The following ARHGEF38 variants were observed in gnomAD, a reference collection of about 807,000 sequenced individuals.
The protein encoded by ARHGEF38 is Rho guanine nucleotide exchange factor (GEF) 38.
ARHGEF38 carries 79 observed loss-of-function variants against 79.9 expected under a neutral mutation model. The ratio of observed to expected loss-of-function variants is 0.99; its 90% CI spans 0.82 to 1.19. ARHGEF38 has a LOEUF of 1.19. Among genes scored for constraint, ARHGEF38 ranks in the 50% most tolerant of loss-of-function variants. The pLI, the probability that ARHGEF38 is intolerant of heterozygous loss-of-function variation, is 0.00. For missense variants in ARHGEF38, 962 were observed against 907.2 expected (o/e 1.06, Z -0.78); for synonymous variants, 366 against 328.3 (o/e 1.11, Z -1.24).
intron 13 of ARHGEF38, among the ~76,000 whole-genome samples, chr4:105,675,438 A>G (rs1560765378): frequency 6.6e-6 from 1 of 152,182 alleles, no homozygotes; most frequent in East Asian, 1.9e-4. Flanking sequence ...TCTTTACTTA[A>G]AAAAATTATG....
At chr4:105,610,566 A>G (rs945593301) in intron 2 of ARHGEF38, among the ~76,000 whole-genome samples, 2 of 152,084 alleles carry the variant, frequency 1.3e-5, no homozygotes, top group Non-Finnish European at 2.9e-5. Flanking sequence ...TAATCATAAA[A>G]TCATCTATCA....
At chr4:105,579,024 A>G (rs1182777803) in intron 1 of ARHGEF38, among the ~76,000 whole-genome samples, 4 of 151,990 alleles carry the variant, frequency 2.6e-5, no homozygotes, top group Non-Finnish European at 4.4e-5. Context: ...AAGAAGTTCT[A>G]TTTTGGTGCA....
Position 105,678,713 on chromosome 4 carries a change from G to T in ARHGEF38, c.*776G>T, listed in dbSNP as rs1731201819. On this transcript the variant is annotated 3_prime_UTR_variant, in exon 14 of 14. Coordinates refer to ENST00000420470, the MANE Select transcript of ARHGEF38 (RefSeq NM_001242729.2). The stretch of plus-strand genomic sequence containing the variant: ...ACATTGCTATTAAGTGGTGGGCCTG[G>T]ACTTAAACCTAGGTAGTGTAAACCA... The T allele has an allele frequency of 6.6e-6, 1 of 151,952 alleles. No homozygotes were observed. The highest frequency in any genetic ancestry group is 6.5e-5 in the Admixed American group (1 of 15,272). The allele number at this position is 151,952 out of a possible 1,614,324, so 9.4% of individuals were successfully genotyped here.
chr4:105,670,236 A>G (rs528604756), intron 13 of ARHGEF38, among the ~76,000 whole-genome samples: 15 of 152,350 alleles, frequency 9.8e-5, no homozygotes, highest in African/African-American at 3.6e-4. Context: ...GCACCATTTT[A>G]GATTCCTACC....
At chr4:105,558,909 A>AGGGG (rs1560681972) in intron 1 of ARHGEF38, among the ~76,000 whole-genome samples, 1 of 151,462 alleles carries the variant, frequency 6.6e-6, no homozygotes, top group African/African-American at 2.4e-5. Flanking sequence ...AGAGAAGGGG[A>AGGGG]GGGGAGAGAC....
At chr4:105,612,275 C>G in intron 2 of ARHGEF38, among the ~76,000 whole-genome samples, 1 of 152,108 alleles carries the variant, frequency 6.6e-6, no homozygotes, top group South Asian at 2.1e-4. Flanking sequence ...TCCTCCATGT[C>G]TCCCTTTTAT....
At chr4:105,677,210 A>T (rs930614809) in intron 13 of ARHGEF38, among the ~76,000 whole-genome samples, 4 of 151,974 alleles carry the variant, frequency 2.6e-5, no homozygotes, top group African/African-American at 9.7e-5. Context: ...TGATCCACCC[A>T]CCTCGGCCTC....
chr4:105,558,113 G>A (rs966121210), intron 1 of ARHGEF38, among the ~76,000 whole-genome samples: 1 of 152,068 alleles, frequency 6.6e-6, no homozygotes, highest in African/African-American at 2.4e-5. Flanking sequence ...GTCTTAATAT[G>A]GTGCGAAAGA....
intron 3 of ARHGEF38, among the ~76,000 whole-genome samples, chr4:105,622,873 CACAT>C (rs916426196): frequency 2.6e-5 from 4 of 152,084 alleles, no homozygotes; most frequent in African/African-American, 9.7e-5. Flanking sequence ...TATTTCATTT[CACAT>C]ACATACACAC....
At chr4:105,582,576 A>G (rs1189531200) in intron 1 of ARHGEF38, among the ~76,000 whole-genome samples, 1 of 152,150 alleles carries the variant, frequency 6.6e-6, no homozygotes, top group Non-Finnish European at 1.5e-5. Context: ...ATTTATTTCT[A>G]CATTAATTTC....
intron 3 of ARHGEF38, among the ~76,000 whole-genome samples, chr4:105,614,372 C>G (rs1427504068): frequency 6.6e-6 from 1 of 152,160 alleles, no homozygotes; most frequent in Non-Finnish European, 1.5e-5. Context: ...GCCTTCCCCA[C>G]AAGTAACCGC....
chr4:105,645,149 A>T (rs757357188), intron 5 of ARHGEF38, 39 bp from the exon 6 acceptor site: 10 of 1,253,532 alleles, frequency 8.0e-6, no homozygotes, highest in Middle Eastern at 2.0e-4. Context: ...TTAATAAAAC[A>T]TATGTTTGTG....
chr4:105,634,171 C>T (rs558445832), intron 4 of ARHGEF38, among the ~76,000 whole-genome samples: 8 of 152,246 alleles, frequency 5.3e-5, no homozygotes, highest in African/African-American at 1.9e-4. Context: ...CAAGCCACCT[C>T]AGGTGATTTT....
intron 2 of ARHGEF38, among the ~76,000 whole-genome samples, chr4:105,594,225 G>A (rs763026421): frequency 1.8e-4 from 27 of 152,062 alleles, no homozygotes; most frequent in African/African-American, 4.3e-4. Context: ...TCTTATCAGC[G>A]TTTATATGAG....
chr4:105,647,960 G>A lies in ARHGEF38; in HGVS notation c.875-589G>A, dbSNP rs151013649. 2.4e-3 allele frequency among the ~76,000 whole-genome samples: 367 copies of A among 150,274 alleles called. 2 individuals carry two copies. Among genetic ancestry groups the A allele is most frequent in the African/African-American group, 8.8e-3 (356 of 40,512 alleles). ...GCTGGAATGCAGTGGCATGATCTCG[G>A]CTCACTGCAACCTCTGCCTCCTGGG... is the stretch of plus-strand genomic sequence containing the variant. On this transcript the variant is annotated intron_variant, in intron 6 of 13. Transcript: ENST00000420470.
Position 105,679,911 on chromosome 4 carries a change from A to G in ARHGEF38, c.*1974A>G. 3 of 1,413,164 alleles carry G rather than the reference A, an allele frequency of 2.1e-6. No homozygotes were observed. Among genetic ancestry groups the G allele is most frequent in the Non-Finnish European group, 3.0e-6 (3 of 1,001,652 alleles). 87.5% of individuals were successfully genotyped at this position (1,413,164 alleles called of 1,614,324 possible). A position where few individuals can be genotyped will look rare whatever the true frequency, so the allele number is the denominator to read the frequency against. On this transcript the variant is annotated 3_prime_UTR_variant, in exon 14 of 14. Coordinates refer to ENST00000420470, the MANE Select transcript of ARHGEF38 (RefSeq NM_001242729.2). Reference sequence around the variant, plus strand: ...CGAGGAGCCACATTGGTTGCCACCAAAACTTTATAATTACCTCTCTGAAGC... The same window carrying G: ...CGAGGAGCCACATTGGTTGCCACCAGAACTTTATAATTACCTCTCTGAAGC...
chr4:105,617,198 T>A (rs1016911391), intron 3 of ARHGEF38, among the ~76,000 whole-genome samples: 24 of 152,224 alleles, frequency 1.6e-4, no homozygotes, highest in Non-Finnish European at 2.9e-4. Context: ...GACCTTATTA[T>A]AAATGCTGTC....
chr4:105,571,090 G>A (rs964523035), intron 1 of ARHGEF38, among the ~76,000 whole-genome samples: 2 of 152,062 alleles, frequency 1.3e-5, no homozygotes, highest in South Asian at 2.1e-4. Context: ...TTCTGGAGAC[G>A]TTTGGTGGTA....
intron 2 of ARHGEF38, among the ~76,000 whole-genome samples, chr4:105,602,590 T>C (rs1727870973): frequency 6.6e-6 from 1 of 152,080 alleles, no homozygotes. Context: ...GGGTTAGGGA[T>C]GACAGAGGGG....
Sources: allele counts gnomAD v4.1 joint callset (sites outside exome capture counted in the v4.1 genomes callset), GRCh38; gene constraint gnomAD v4.1.1; transcripts MANE v1.5; gene names NCBI Gene and HGNC (gene_info 2026-07-23, HGNC 2026-07-21).